PTPRR: variants seen among roughly 807,000 people sequenced by gnomAD.
PTPRR encodes protein tyrosine phosphatase receptor type R.
Under a neutral mutation model 77.2 loss-of-function variants are expected in PTPRR, and 38 were observed. The observed-to-expected ratio is 0.49, with a 90% confidence interval of 0.38 to 0.65. The LOEUF is 0.65. PTPRR is among the 30% of genes least tolerant of loss of function. The pLI is 0.00. For missense variants in PTPRR, 744 were observed against 799.2 expected (o/e 0.93, Z 0.83); for synonymous variants, 299 against 283.1 (o/e 1.06, Z -0.57).
intron 1 of PTPRR, among the ~76,000 whole-genome samples, chr12:70,910,470 A>T (rs1438035503): frequency 6.6e-6 from 1 of 152,122 alleles, no homozygotes; most frequent in Non-Finnish European, 1.5e-5. Context: ...CATCAAAGGG[A>T]TTTAGGAAAT....
chr12:70,817,388 CTTATT>C (rs1891923642), intron 2 of PTPRR, among the ~76,000 whole-genome samples: 1 of 152,006 alleles, frequency 6.6e-6, no homozygotes, highest in African/African-American at 2.4e-5. Flanking sequence ...CGTTATTTTC[CTTATT>C]TTAATAATTG....
At chr12:70,867,874 A>G (rs866939333) in intron 2 of PTPRR, among the ~76,000 whole-genome samples, 5 of 152,262 alleles carry the variant, frequency 3.3e-5, no homozygotes, top group African/African-American at 9.6e-5. Flanking sequence ...GCCCTCAGAA[A>G]TAATGCCGCA....
intron 2 of PTPRR, among the ~76,000 whole-genome samples, chr12:70,808,174 C>A (rs1351887517): frequency 6.6e-6 from 1 of 152,088 alleles, no homozygotes; most frequent in Admixed American, 6.6e-5. Context: ...TGCAGCACCC[C>A]CAGGCTTGCT....
intron 2 of PTPRR, among the ~76,000 whole-genome samples, chr12:70,844,047 C>T (rs1013789130): frequency 1.3e-5 from 2 of 151,868 alleles, no homozygotes; most frequent in Non-Finnish European, 2.9e-5. Context: ...AACTCCTAAC[C>T]GTGGGTGATC....
chr12:70,917,185 C>A (rs1893787635), intron 1 of PTPRR, among the ~76,000 whole-genome samples: 1 of 152,004 alleles, frequency 6.6e-6, no homozygotes, highest in Admixed American at 6.6e-5. Context: ...CTTTTAATTG[C>A]CTCCTTGAAT....
At chr12:70,676,469 TTTAA>T (rs1482708786) in intron 10 of PTPRR, among the ~76,000 whole-genome samples, 1 of 152,042 alleles carries the variant, frequency 6.6e-6, no homozygotes, top group East Asian at 1.9e-4. Flanking sequence ...TGTGAATCTA[TTTAA>T]TTGTTGCTGC....
intron 2 of PTPRR, among the ~76,000 whole-genome samples, chr12:70,815,861 A>C (rs1388307180): frequency 6.6e-6 from 1 of 152,202 alleles, no homozygotes; most frequent in Non-Finnish European, 1.5e-5. Flanking sequence ...CAGACAGCTG[A>C]TAATCTAGTT....
rs1397766504 is a variant in PTPRR, at chr12:70,638,968, A to C, written c.*216T>G. The C allele has an allele frequency of 1.8e-6, 1 of 550,516 alleles. No homozygotes were observed. The highest frequency in any genetic ancestry group is 3.0e-5 in the East Asian group (1 of 32,896). 34.1% of individuals were successfully genotyped at this position (550,516 alleles called of 1,614,324 possible). A position where few individuals can be genotyped will look rare whatever the true frequency, so the allele number is the denominator to read the frequency against. On this transcript the variant is annotated 3_prime_UTR_variant, in exon 14 of 14. Coordinates refer to ENST00000283228, the MANE Select transcript of PTPRR (RefSeq NM_002849.4). ...CCTATCATACCTCCATCATCAAAAA[A>C]CCTTCAGAATAATTTGGGGGATGCT...
chr12:70,825,104 G>A (rs991415428), intron 2 of PTPRR, among the ~76,000 whole-genome samples: 42 of 151,938 alleles, frequency 2.8e-4, no homozygotes, highest in African/African-American at 9.4e-4. Context: ...CCAATATGGT[G>A]AAACCCTGTC....
At chr12:70,674,693 T>C (rs1466340343) in intron 10 of PTPRR, among the ~76,000 whole-genome samples, 3 of 152,178 alleles carry the variant, frequency 2.0e-5, no homozygotes, top group Non-Finnish European at 4.4e-5. Flanking sequence ...TGAAAATTTA[T>C]ATTATGAGAT....
At chr12:70,795,960 GT>G (rs1291505793) in intron 2 of PTPRR, among the ~76,000 whole-genome samples, 1 of 108,966 alleles carries the variant, frequency 9.2e-6, no homozygotes, top group Non-Finnish European at 1.7e-5. Flanking sequence ...GTCTTGCCCT[GT>G]GACCCAGGCT....
intron 1 of PTPRR, among the ~76,000 whole-genome samples, chr12:70,916,084 T>C (rs865864292): frequency 5.9e-5 from 9 of 152,000 alleles, no homozygotes; most frequent in Middle Eastern, 3.2e-3. Context: ...TGTTGGGTGG[T>C]GAAGACCTCT....
At chr12:70,784,419 G>T (rs558620041) in intron 2 of PTPRR, among the ~76,000 whole-genome samples, 1 of 152,318 alleles carries the variant, frequency 6.6e-6, no homozygotes, top group South Asian at 2.1e-4. Context: ...GGGTTGGGTC[G>T]ATGCTGCCGA....
At chr12:70,884,021 A>G (rs899021083) in intron 2 of PTPRR, among the ~76,000 whole-genome samples, 4 of 152,238 alleles carry the variant, frequency 2.6e-5, no homozygotes, top group Non-Finnish European at 2.9e-5. Context: ...CCAGGTCTAA[A>G]GCTTTGGCTG....
intron 2 of PTPRR, among the ~76,000 whole-genome samples, chr12:70,786,800 T>A: frequency 6.6e-6 from 1 of 152,238 alleles, no homozygotes; most frequent in Non-Finnish European, 1.5e-5. Context: ...AAATGAGGTT[T>A]ATTGGCATGT....
chr12:70,693,591 G>A (rs1888128546), intron 8 of PTPRR, among the ~76,000 whole-genome samples: 1 of 152,078 alleles, frequency 6.6e-6, no homozygotes, highest in Non-Finnish European at 1.5e-5. Flanking sequence ...CAGGACATGA[G>A]CCACTGTGTG....
chr12:70,713,352 C>T (rs58375463), intron 6 of PTPRR, among the ~76,000 whole-genome samples: 6,575 of 152,106 alleles, frequency 0.043, 515 homozygotes, highest in African/African-American at 0.15. Flanking sequence ...TATTTTGCTA[C>T]GAACATTTGT....
intron 2 of PTPRR, among the ~76,000 whole-genome samples, chr12:70,852,555 G>T (rs964887320): frequency 1.3e-5 from 2 of 152,072 alleles, no homozygotes; most frequent in African/African-American, 4.8e-5. Flanking sequence ...CTCAGGAGAG[G>T]CTGATTCTCT....
intron 6 of PTPRR, among the ~76,000 whole-genome samples, chr12:70,725,135 A>G (rs1332306502): frequency 1.3e-5 from 2 of 152,152 alleles, no homozygotes; most frequent in African/African-American, 4.8e-5. Flanking sequence ...AATAAGCATG[A>G]AGAGACAGGG....
Sources: gnomAD v4.1 joint callset for allele counts (sites outside exome capture counted in the v4.1 genomes callset) on GRCh38, gnomAD v4.1.1 for gene constraint, MANE v1.5 for transcripts, NCBI Gene and HGNC (gene_info 2026-07-23, HGNC 2026-07-21) for gene names.